The following DKK4 variants were observed in gnomAD, a reference collection of about 807,000 sequenced individuals.
DKK4 encodes the protein dickkopf Wnt signaling pathway inhibitor 4, also known as dickkopf-related protein 4.
DKK4 carries 15 observed loss-of-function variants against 14.5 expected under a neutral mutation model. The ratio of observed to expected loss-of-function variants is 1.03; its 90% CI spans 0.69 to 1.59. The LOEUF (loss-of-function observed/expected upper bound fraction) is 1.59. DKK4 is among the 40% of genes most tolerant of loss of function. DKK4 has a pLI of 0.00. For synonymous variants in DKK4, 89 were observed against 105.2 expected (o/e 0.85, Z 0.94); for missense variants, 272 against 280.3 (o/e 0.97, Z 0.21).
chr8:42,388,129 G>A, the DKK4 span, among the ~76,000 whole-genome samples: 3 of 152,112 alleles, frequency 2.0e-5, no homozygotes, highest in Non-Finnish European at 2.9e-5. Flanking sequence ...TGTACTCCTC[G>A]CCTCACAGGA....
chr8:42,378,352 T>C (rs1824600302), upstream of DKK4, among the ~76,000 whole-genome samples: 1 of 152,196 alleles, frequency 6.6e-6, no homozygotes, highest in South Asian at 2.1e-4. Flanking sequence ...ATCTCAGCAT[T>C]CTGTGCATGG....
chr8:42,384,960 T>C, the DKK4 span, among the ~76,000 whole-genome samples: 4 of 152,240 alleles, frequency 2.6e-5, no homozygotes, highest in Admixed American at 2.6e-4. Flanking sequence ...TCTGATTAAA[T>C]GGAAGCTAGA....
the DKK4 span, among the ~76,000 whole-genome samples, chr8:42,387,913 A>G: frequency 6.6e-6 from 1 of 152,132 alleles, no homozygotes; most frequent in Non-Finnish European, 1.5e-5. Flanking sequence ...TTTAACAGAT[A>G]AGGATCTTGG....
the DKK4 span, among the ~76,000 whole-genome samples, chr8:42,390,512 C>T: frequency 2.0e-5 from 3 of 151,066 alleles, no homozygotes; most frequent in African/African-American, 4.9e-5. Flanking sequence ...TACAGGCGCC[C>T]GCCACCACGC....
chr8:42,378,973 G>A (rs971573301), upstream of DKK4, among the ~76,000 whole-genome samples: 11 of 147,692 alleles, frequency 7.4e-5, no homozygotes, highest in Admixed American at 1.3e-4. Flanking sequence ...AAAGTAGGCC[G>A]CGTGCGGTGG....
upstream of DKK4, among the ~76,000 whole-genome samples, chr8:42,379,378 T>TATATATATAGAG (rs1166847600): frequency 2.9e-4 from 10 of 34,556 alleles, no homozygotes; most frequent in Non-Finnish European, 4.6e-4. Flanking sequence ...TATATATATA[T>TATATATATAGAG]AGAGAGAGAG....
chr8:42,378,117 T>G (rs1370252047), upstream of DKK4, among the ~76,000 whole-genome samples: 1 of 152,228 alleles, frequency 6.6e-6, no homozygotes, highest in Non-Finnish European at 1.5e-5. Context: ...TTTTTTTCCA[T>G]TTGGACTATT....
chr8:42,379,378 TAGAGAGAGAGAGAGAG>T (rs537441477), upstream of DKK4, among the ~76,000 whole-genome samples: 48 of 34,540 alleles, frequency 1.4e-3, no homozygotes, highest in African/African-American at 3.6e-3. Flanking sequence ...TATATATATA[TAGAGAGAGAGAGAGAG>T]AGAGAGAGAG....
At chr8:42,386,642 C>T in the DKK4 span, among the ~76,000 whole-genome samples, 1 of 152,146 alleles carries the variant, frequency 6.6e-6, no homozygotes, top group African/African-American at 2.4e-5. Context: ...ACGTGCGCCA[C>T]CAACCTCAGC....
chr8:42,387,672 T>A, the DKK4 span, among the ~76,000 whole-genome samples: 2 of 152,100 alleles, frequency 1.3e-5, no homozygotes, highest in Non-Finnish European at 2.9e-5. Flanking sequence ...TGAAAGCCAG[T>A]CTTGATAAGG....
the DKK4 span, among the ~76,000 whole-genome samples, chr8:42,389,771 T>C: frequency 6.6e-6 from 1 of 152,262 alleles, no homozygotes; most frequent in Non-Finnish European, 1.5e-5. Context: ...ATTTGCTTTT[T>C]CTTTTTTTCT....
chr8:42,377,240 T>TA (rs1176658992), upstream of DKK4: 12 of 564,316 alleles, frequency 2.1e-5, no homozygotes, highest in Middle Eastern at 9.3e-4. Context: ...GACCAGCAGG[T>TA]TCCTCCTGAA....
the DKK4 span, among the ~76,000 whole-genome samples, chr8:42,389,652 T>C: frequency 1.3e-4 from 20 of 152,252 alleles, no homozygotes; most frequent in Non-Finnish European, 2.2e-4. Context: ...ACTTTTTGTC[T>C]CTTTTTATTT....
chr8:42,386,983 G>T, the DKK4 span, among the ~76,000 whole-genome samples: 1 of 152,172 alleles, frequency 6.6e-6, no homozygotes, highest in Non-Finnish European at 1.5e-5. Context: ...GGTTACCTTG[G>T]CTCAGCGGGT....
upstream of DKK4, among the ~76,000 whole-genome samples, chr8:42,381,800 C>G (rs1054353402): frequency 2.0e-5 from 3 of 152,130 alleles, no homozygotes; most frequent in African/African-American, 7.2e-5. Flanking sequence ...GAGTTCAAGA[C>G]CAACCTGGCC....
the DKK4 span, among the ~76,000 whole-genome samples, chr8:42,388,564 A>G: frequency 6.8e-6 from 1 of 147,914 alleles, no homozygotes; most frequent in East Asian, 2.0e-4. Flanking sequence ...CTTTTATTTA[A>G]TTAATTAATT....
chr8:42,381,722 G>A (rs185482380), upstream of DKK4, among the ~76,000 whole-genome samples: 1 of 152,214 alleles, frequency 6.6e-6, no homozygotes, highest in African/African-American at 2.4e-5. Flanking sequence ...CTCGAGCCAG[G>A]CGCGGTGGCT....
At chr8:42,380,211 C>T (rs1381021379), upstream of DKK4, among the ~76,000 whole-genome samples, 1 of 151,990 alleles carries the variant, frequency 6.6e-6, no homozygotes, top group Non-Finnish European at 1.5e-5. Context: ...CACGTGTCTG[C>T]AGTCCTAGCT....
Position 42,375,279 on chromosome 8 carries a change from G to A in DKK4, c.263-366C>T, listed in dbSNP as rs191663224. Among the ~76,000 whole-genome samples, 4 of 152,254 alleles carry A rather than the reference G, an allele frequency of 2.6e-5. No homozygotes were observed. The East Asian group carries it at 7.7e-4, about 29-fold the overall frequency. ...AGGCAAGCCGGGTCCGGTGGCTTAC[G>A]CTTGTAATCCCAGCACTTTGGGAGG... is the stretch of plus-strand genomic sequence containing the variant. On this transcript the variant is annotated intron_variant, in intron 2 of 3. Coordinates refer to ENST00000220812, the MANE Select transcript of DKK4 (RefSeq NM_014420.3).
Sources: allele counts gnomAD v4.1 joint callset (sites outside exome capture counted in the v4.1 genomes callset), GRCh38; gene constraint gnomAD v4.1.1; transcripts MANE v1.5; gene names NCBI Gene and HGNC (gene_info 2026-07-23, HGNC 2026-07-21).